SLC14A2: variants seen among roughly 807,000 people sequenced by gnomAD.
SLC14A2 encodes the protein urea transporter 2.
A neutral mutation model predicts 104.6 loss-of-function variants in SLC14A2; 91 were observed. That is an observed-to-expected ratio of 0.87 (90% CI 0.73 to 1.04). The LOEUF is 1.04. Ranked by LOEUF, SLC14A2 falls within the 50% of genes least tolerant of loss-of-function variation. The pLI is 0.00. For missense variants in SLC14A2, 1,189 were observed against 1,156.0 expected, an observed-to-expected ratio of 1.03 and a Z score of -0.41; for synonymous variants, 476 against 466.4, an observed-to-expected ratio of 1.02 and a Z score of -0.27.
At chr18:45,435,522 T>G (rs969321247) in intron 1 of SLC14A2, among the ~76,000 whole-genome samples, 4 of 152,224 alleles carry the variant, frequency 2.6e-5, no homozygotes, top group Non-Finnish European at 4.4e-5. Flanking sequence ...TAGATTGAGT[T>G]CTCTTTTAAA....
chr18:45,667,988 T>C lies in SLC14A2; in HGVS notation c.1873T>C (p.Ser625Pro), dbSNP rs146643740. ...AISGCLGTIM[S>P]TLTALILSQD... ...CTCAGGCTGCCTGGGTACCATCATG[T>C]CCACCTTGACAGCCCTCATCCTGAG... The change falls in exon 14 of 20, where the codon TCC (serine) becomes CCC (proline). Residue 625 changes from serine (S) to proline (P), a missense_variant. Coordinates refer to ENST00000255226, the MANE Select transcript of SLC14A2 (RefSeq NM_007163.4). The C allele has an allele frequency of 1.9e-6, 3 of 1,613,996 alleles. No individual in the cohort carries two copies. In the African/African-American group the frequency reaches 4.0e-5, roughly 22 times the overall value.
chr18:45,499,132 G>A (rs953000176), intron 2 of SLC14A2, among the ~76,000 whole-genome samples: 4 of 152,160 alleles, frequency 2.6e-5, no homozygotes, highest in Non-Finnish European at 4.4e-5. Flanking sequence ...GAGAAGAGAC[G>A]AGAATCACCA....
intron 1 of SLC14A2, among the ~76,000 whole-genome samples, chr18:45,322,289 G>C (rs1233691247): frequency 6.6e-6 from 1 of 152,184 alleles, no homozygotes; most frequent in Admixed American, 6.5e-5. Context: ...CCTGGAGCCT[G>C]GAGGTTGTGG....
chr18:45,259,678 G>C (rs1012865101), intron 1 of SLC14A2, among the ~76,000 whole-genome samples: 2 of 152,116 alleles, frequency 1.3e-5, no homozygotes, highest in African/African-American at 4.8e-5. Context: ...CACTGAAGGA[G>C]CACTGCACTT....
chr18:45,349,442 T>A (rs2085481004), intron 1 of SLC14A2, among the ~76,000 whole-genome samples: 1 of 152,212 alleles, frequency 6.6e-6, no homozygotes, highest in Non-Finnish European at 1.5e-5. Flanking sequence ...CCTTTTCCCC[T>A]GCCCTGTGTT....
intron 1 of SLC14A2, among the ~76,000 whole-genome samples, chr18:45,297,587 C>T (rs775840588): frequency 3.3e-5 from 5 of 152,144 alleles, no homozygotes; most frequent in Non-Finnish European, 4.4e-5. Context: ...CTTCCTGGGT[C>T]TCAATTGCTT....
rs1228043835 is a variant in SLC14A2 at position 45,666,955 on chromosome 18, G to A, written c.1578G>A (p.Glu526=). 1 of 1,614,080 alleles carries A rather than the reference G, an allele frequency of 6.2e-7. No individual in the cohort carries two copies. ...VELLDLDTME[E]SSEIKVETNI... ...GACAGGATCTGGACACCATGGAGGA[G>A]AGCTCTGAGATAAAAGTGGAAACAA... Residue 526 remains glutamate, a synonymous_variant, in exon 13 of 20, where the codon GAG becomes GAA. Transcript: ENST00000255226.
chr18:45,468,260 G>C (rs905473943), intron 1 of SLC14A2, among the ~76,000 whole-genome samples: 1 of 152,084 alleles, frequency 6.6e-6, no homozygotes, highest in African/African-American at 2.4e-5. Flanking sequence ...GGATAGAGTG[G>C]AGCCATCATT....
chr18:45,425,502 G>C (rs937414066), intron 1 of SLC14A2, among the ~76,000 whole-genome samples: 2 of 152,138 alleles, frequency 1.3e-5, no homozygotes, highest in African/African-American at 4.8e-5. Flanking sequence ...TAGTCCCCCT[G>C]ATGAATTGCC....
At chr18:45,579,173 C>T (rs1179470609) in intron 2 of SLC14A2, among the ~76,000 whole-genome samples, 1 of 152,210 alleles carries the variant, frequency 6.6e-6, no homozygotes, top group Non-Finnish European at 1.5e-5. Context: ...CACAGCAAAT[C>T]ACAAGGTCAG....
At chr18:45,482,442 T>C (rs750552476) in intron 1 of SLC14A2, 3 of 152,240 alleles carry the variant, frequency 2.0e-5, no homozygotes, top group Non-Finnish European at 4.4e-5. Flanking sequence ...CTCCATCCTC[T>C]GACTCAGATC....
chr18:45,641,946 T>C (rs901595673), intron 8 of SLC14A2, among the ~76,000 whole-genome samples: 1 of 152,220 alleles, frequency 6.6e-6, no homozygotes, highest in Non-Finnish European at 1.5e-5. Flanking sequence ...CCATACCCTG[T>C]TATATAAATA....
intron 1 of SLC14A2, among the ~76,000 whole-genome samples, chr18:45,352,309 CA>C (rs1187295661): frequency 3.9e-5 from 6 of 152,148 alleles, no homozygotes; most frequent in African/African-American, 1.4e-4. Flanking sequence ...TACCCCACCC[CA>C]TACCCATTCT....
At chr18:45,506,413 C>T (rs959305043) in intron 2 of SLC14A2, among the ~76,000 whole-genome samples, 4 of 151,894 alleles carry the variant, frequency 2.6e-5, no homozygotes, top group African/African-American at 9.7e-5. Context: ...TGGGTTGAAT[C>T]GTGCCCCATC....
chr18:45,185,767 GAACT>G, the SLC14A2 span, among the ~76,000 whole-genome samples: 2 of 151,886 alleles, frequency 1.3e-5, no homozygotes, highest in Non-Finnish European at 1.5e-5. Context: ...AAAGTTATGA[GAACT>G]AATAAGTGAA....
At chr18:45,588,824 C>G (rs1415572377) in intron 2 of SLC14A2, among the ~76,000 whole-genome samples, 1 of 152,150 alleles carries the variant, frequency 6.6e-6, no homozygotes, top group Non-Finnish European at 1.5e-5. Flanking sequence ...TTCTAAAACC[C>G]TATAAACCCT....
chr18:45,294,028 T>C (rs2084896961), intron 1 of SLC14A2, among the ~76,000 whole-genome samples: 1 of 152,172 alleles, frequency 6.6e-6, no homozygotes, highest in African/African-American at 2.4e-5. Context: ...GAGTTCACGG[T>C]ATCCATCACT....
the SLC14A2 span, among the ~76,000 whole-genome samples, chr18:45,172,700 C>T: frequency 6.6e-6 from 1 of 152,116 alleles, no homozygotes; most frequent in Non-Finnish European, 1.5e-5. Context: ...TTTCTGAAGT[C>T]ATGTCTGATG....
intron 1 of SLC14A2, among the ~76,000 whole-genome samples, chr18:45,480,810 C>T (rs77335232): frequency 0.075 from 11,437 of 152,188 alleles, 557 homozygotes; most frequent in East Asian, 0.21. Context: ...CAGTCAAAAG[C>T]AATTTTTCTA....
Sources: allele counts gnomAD v4.1 joint callset (sites outside exome capture counted in the v4.1 genomes callset), GRCh38; gene constraint gnomAD v4.1.1; transcripts MANE v1.5; gene names NCBI Gene and HGNC (gene_info 2026-07-23, HGNC 2026-07-21).